SGCD: variants seen among roughly 807,000 people sequenced by gnomAD.
SGCD encodes the protein delta-sarcoglycan.
SGCD carries 18 observed loss-of-function variants against 36.6 expected under a neutral mutation model. That is an observed-to-expected ratio of 0.49 (90% CI 0.34 to 0.73). The LOEUF (loss-of-function observed/expected upper bound fraction) is 0.73, where lower values mean the gene tolerates loss of function less well. Among genes scored for constraint, SGCD ranks in the 30% least tolerant of loss-of-function variants. The pLI, the probability that SGCD is intolerant of heterozygous loss-of-function variation, is 0.01. For synonymous variants in SGCD, 133 were observed against 130.6 expected, an observed-to-expected ratio of 1.02 and a Z score of -0.12; for missense variants, 387 against 346.7, an observed-to-expected ratio of 1.12 and a Z score of -0.92.
intron 4 of SGCD, among the ~76,000 whole-genome samples, chr5:156,538,592 C>A (rs1308189740): frequency 2.6e-5 from 4 of 152,028 alleles, no homozygotes; most frequent in Admixed American, 1.3e-4. Context: ...AAGACACCTT[C>A]ATTTCTTCTC....
chr5:155,824,982 A>G, the SGCD span, among the ~76,000 whole-genome samples: 1 of 152,194 alleles, frequency 6.6e-6, no homozygotes, highest in Non-Finnish European at 1.5e-5. Context: ...CTCTGGGTCC[A>G]TGGTAGTTAA....
intron 3 of SGCD, among the ~76,000 whole-genome samples, chr5:156,231,450 C>T (rs1424094457): frequency 3.9e-5 from 6 of 152,100 alleles, no homozygotes; most frequent in African/African-American, 7.2e-5. Flanking sequence ...GCAGGAGAAT[C>T]GCTTGATCCT....
intron 1 of SGCD, among the ~76,000 whole-genome samples, chr5:156,008,578 G>A (rs899794555): frequency 5.3e-5 from 8 of 152,038 alleles, no homozygotes; most frequent in South Asian, 2.1e-4. Flanking sequence ...GTCTTGCTGC[G>A]TTGCCCAGGC....
chr5:156,669,788 G>T (rs557411772), intron 7 of SGCD, among the ~76,000 whole-genome samples: 2 of 152,254 alleles, frequency 1.3e-5, no homozygotes, highest in East Asian at 3.9e-4. Context: ...TTCTCTGTAG[G>T]CCTTGAACCA....
At chr5:156,079,270 C>T (rs372746306) in intron 1 of SGCD, among the ~76,000 whole-genome samples, 147 of 152,218 alleles carry the variant, frequency 9.7e-4, no homozygotes, top group African/African-American at 3.5e-3. Context: ...ACCCAAATCC[C>T]TCCCACCAGG....
intron 1 of SGCD, among the ~76,000 whole-genome samples, chr5:155,998,484 GTTCCTCTATTGGCT>G (rs1406536905): frequency 3.9e-5 from 6 of 152,170 alleles, no homozygotes; most frequent in African/African-American, 1.2e-4. Flanking sequence ...TTCTTCCTGG[GTTCCTCTATTGGCT>G]TACATTGTAA....
At chr5:156,074,156 A>G (rs1009654893) in intron 1 of SGCD, among the ~76,000 whole-genome samples, 1 of 152,196 alleles carries the variant, frequency 6.6e-6, no homozygotes, top group Non-Finnish European at 1.5e-5. Flanking sequence ...TATCTTTTGG[A>G]ACCACATATG....
At chr5:156,433,709 A>G (rs1182039291) in intron 3 of SGCD, among the ~76,000 whole-genome samples, 2 of 152,218 alleles carry the variant, frequency 1.3e-5, no homozygotes, top group African/African-American at 4.8e-5. Context: ...ATCAGGGCAG[A>G]AAGCTGACAG....
At chr5:156,025,228 A>G (rs1487286230) in intron 1 of SGCD, among the ~76,000 whole-genome samples, 1 of 152,150 alleles carries the variant, frequency 6.6e-6, no homozygotes, top group African/African-American at 2.4e-5. Flanking sequence ...ATCTCCCCAT[A>G]GGAAATGAGA....
At chr5:156,257,578 C>G (rs1765747623) in intron 3 of SGCD, among the ~76,000 whole-genome samples, 1 of 151,282 alleles carries the variant, frequency 6.6e-6, no homozygotes, top group African/African-American at 2.4e-5. Context: ...TAAGAATGTC[C>G]TTGGGTCGGG....
At chr5:156,227,791 T>C (rs373919446) in intron 3 of SGCD, among the ~76,000 whole-genome samples, 4 of 152,156 alleles carry the variant, frequency 2.6e-5, no homozygotes, top group East Asian at 3.8e-4. Flanking sequence ...CTATGAACTT[T>C]CCTCTTAACA....
chr5:156,212,109 C>A (rs1003116712), intron 3 of SGCD, among the ~76,000 whole-genome samples: 2 of 152,146 alleles, frequency 1.3e-5, no homozygotes, highest in Non-Finnish European at 2.9e-5. Context: ...AACAAAGGAC[C>A]TACAAAACAA....
At chr5:155,827,950 C>G in the SGCD span, among the ~76,000 whole-genome samples, 2 of 151,568 alleles carry the variant, frequency 1.3e-5, no homozygotes, top group African/African-American at 4.9e-5. Context: ...CTCGGCCTCC[C>G]AAAGTGCTGA....
chr5:155,960,118 T>A (rs1397455857), intron 1 of SGCD, among the ~76,000 whole-genome samples: 1 of 152,062 alleles, frequency 6.6e-6, no homozygotes, highest in East Asian at 1.9e-4. Flanking sequence ...TGTCTTCTCC[T>A]CCCTCCTTTT....
At chr5:156,263,096 T>A (rs1765909255) in intron 3 of SGCD, among the ~76,000 whole-genome samples, 1 of 152,120 alleles carries the variant, frequency 6.6e-6, no homozygotes, top group South Asian at 2.1e-4. Context: ...TTTTGTGTAA[T>A]GACTTATTTT....
chr5:155,746,976 C>T, the SGCD span, among the ~76,000 whole-genome samples: 5 of 152,250 alleles, frequency 3.3e-5, no homozygotes, highest in East Asian at 9.7e-4. Context: ...CTCCTTTCTG[C>T]TCATATCCAG....
At chr5:156,556,308 C>T (rs936331039) in intron 4 of SGCD, among the ~76,000 whole-genome samples, 1 of 152,082 alleles carries the variant, frequency 6.6e-6, no homozygotes, top group East Asian at 1.9e-4. Context: ...TCATTTTTGT[C>T]ACCCTGTGTC....
At chr5:156,498,575 C>A (rs1756305346) in intron 3 of SGCD, among the ~76,000 whole-genome samples, 1 of 152,122 alleles carries the variant, frequency 6.6e-6, no homozygotes, top group African/African-American at 2.4e-5. Flanking sequence ...TGAGGTTTGT[C>A]CATGTTATAG....
At chr5:156,657,088 T>G (rs1763713248) in intron 7 of SGCD, among the ~76,000 whole-genome samples, 1 of 152,170 alleles carries the variant, frequency 6.6e-6, no homozygotes, top group South Asian at 2.1e-4. Context: ...ATTTATAGGC[T>G]TTCTGTGATT....
Sources: allele counts gnomAD v4.1 joint callset (sites outside exome capture counted in the v4.1 genomes callset), GRCh38; gene constraint gnomAD v4.1.1; transcripts MANE v1.5; gene names NCBI Gene and HGNC (gene_info 2026-07-23, HGNC 2026-07-21).